Variants in CSMD1 observed in about 807,000 individuals in gnomAD.
CSMD1 encodes the protein CUB and Sushi multiple domains 1, also known as CUB and sushi domain-containing protein 1.
CSMD1 carries 213 observed loss-of-function variants against 417.5 expected under a neutral mutation model. The observed-to-expected ratio is 0.51, with a 90% confidence interval of 0.46 to 0.57. CSMD1 has a LOEUF of 0.57. CSMD1 is among the 20% of genes least tolerant of loss of function. CSMD1 has a pLI of 0.00. For synonymous variants in CSMD1, 2,862 were observed against 1,736.8 expected, an observed-to-expected ratio of 1.65 and a Z score of -16.11; for missense variants, 6,923 against 4,529.7, an observed-to-expected ratio of 1.53 and a Z score of -15.17.
At chr8:3,978,628 G>A (rs752036133) in intron 5 of CSMD1, among the ~76,000 whole-genome samples, 5 of 152,062 alleles carry the variant, frequency 3.3e-5, no homozygotes, top group Non-Finnish European at 5.9e-5. Context: ...GAAACGTCTC[G>A]TCGCTGCTGT....
intron 5 of CSMD1, among the ~76,000 whole-genome samples, chr8:3,860,620 T>A (rs1027326501): frequency 6.6e-6 from 1 of 152,160 alleles, no homozygotes; most frequent in African/African-American, 2.4e-5. Context: ...AGAGACACTA[T>A]TAGTTACAGT....
intron 25 of CSMD1, among the ~76,000 whole-genome samples, chr8:3,299,821 A>G (rs574788447): frequency 6.6e-6 from 1 of 152,310 alleles, no homozygotes; most frequent in Non-Finnish European, 1.5e-5. Context: ...TTCTGGACAG[A>G]TTGTTAAGGA....
chr8:3,497,156 G>A (rs1337896358), intron 10 of CSMD1, among the ~76,000 whole-genome samples: 3 of 152,202 alleles, frequency 2.0e-5, no homozygotes, highest in East Asian at 1.9e-4. Context: ...TGTCCGTTAG[G>A]TCCATTTGGT....
chr8:3,089,514 G>C (rs909156361), intron 48 of CSMD1, among the ~76,000 whole-genome samples: 3 of 152,146 alleles, frequency 2.0e-5, no homozygotes, highest in Non-Finnish European at 4.4e-5. Context: ...GAGTTTACGT[G>C]CATAGGGCAA....
intron 3 of CSMD1, among the ~76,000 whole-genome samples, chr8:4,192,811 C>G (rs79262743): frequency 1.3e-5 from 2 of 152,322 alleles, no homozygotes; most frequent in East Asian, 3.9e-4. Context: ...CCTCCTCACT[C>G]ATTACTTGTG....
chr8:3,376,780 C>T (rs1179423071), intron 18 of CSMD1, among the ~76,000 whole-genome samples: 1 of 127,416 alleles, frequency 7.8e-6, no homozygotes, highest in Non-Finnish European at 1.7e-5. Flanking sequence ...TGTTGATATA[C>T]AATATTATAA....
chr8:4,682,741 G>A lies in CSMD1; in HGVS notation c.86-45183C>T, dbSNP rs1410554975. Among the ~76,000 whole-genome samples the A allele has an allele frequency of 2.6e-5, 4 of 151,494 alleles. No homozygotes were observed. The East Asian group carries it at 5.8e-4, about 22-fold the overall frequency. The stretch of plus-strand genomic sequence containing the variant: ...ATTATTTGTCCAATATTACGTTGCT[G>A]TCTTAGCTTGAAAAAATAGTTTAAA... On this transcript the variant is annotated intron_variant, in intron 1 of 69. Coordinates refer to ENST00000635120, the MANE Select transcript of CSMD1 (RefSeq NM_033225.6).
rs191793365 is a variant in CSMD1 at position 4,127,256 on chromosome 8, G to A, written c.416-95157C>T. Among the ~76,000 whole-genome samples the A allele has an allele frequency of 6.3e-4, 96 of 151,856 alleles. No homozygotes were observed. In the East Asian group the frequency reaches 0.018, roughly 29 times the overall value. On this transcript the variant is annotated intron_variant, in intron 3 of 69. Coordinates refer to ENST00000635120, the MANE Select transcript of CSMD1 (RefSeq NM_033225.6). ...CTTACGGAAAGCTTCTAACACTACAGGCCCCGCTCCAGGTTATTCTCATGC... is the reference window on the plus strand; with the variant it reads ...CTTACGGAAAGCTTCTAACACTACAAGCCCCGCTCCAGGTTATTCTCATGC...
intron 3 of CSMD1, among the ~76,000 whole-genome samples, chr8:4,068,080 AAAAAAG>A (rs1379819983): frequency 2.6e-5 from 4 of 151,952 alleles, no homozygotes; most frequent in African/African-American, 9.7e-5. Flanking sequence ...ACAACGTCTC[AAAAAAG>A]AAAAAAAGAA....
intron 17 of CSMD1, among the ~76,000 whole-genome samples, chr8:3,394,637 AG>A (rs34515008): frequency 1 from 152,093 of 152,100 alleles, 76,043 homozygotes; most frequent in Non-Finnish European, 1. Flanking sequence ...AGTTGGGGGG[AG>A]GGGTGTGGGA....
chr8:3,470,913 T>C (rs79294246), intron 11 of CSMD1, among the ~76,000 whole-genome samples: 3,048 of 152,310 alleles, frequency 0.02, 121 homozygotes, highest in African/African-American at 0.069. Context: ...CTTGCTTAAT[T>C]AACCACCTGG....
At chr8:4,555,569 G>T (rs558255868) in intron 2 of CSMD1, among the ~76,000 whole-genome samples, 2 of 152,210 alleles carry the variant, frequency 1.3e-5, no homozygotes, top group South Asian at 4.1e-4. Flanking sequence ...CCTCCAGGAA[G>T]GATCATTGAT....
chr8:3,421,919 T>G (rs2116979211), intron 12 of CSMD1, among the ~76,000 whole-genome samples: 1 of 151,740 alleles, frequency 6.6e-6, no homozygotes, highest in Admixed American at 6.6e-5. Context: ...ATTACAGGCG[T>G]GAGCCACGGC....
intron 5 of CSMD1, among the ~76,000 whole-genome samples, chr8:3,987,536 T>C (rs1563288193): frequency 6.6e-6 from 1 of 152,182 alleles, no homozygotes; most frequent in Non-Finnish European, 1.5e-5. Flanking sequence ...AGTCTGACTC[T>C]AGCCCAAATG....
At chr8:4,492,176 A>G (rs1426547050) in intron 2 of CSMD1, among the ~76,000 whole-genome samples, 1 of 152,220 alleles carries the variant, frequency 6.6e-6, no homozygotes, top group Non-Finnish European at 1.5e-5. Context: ...AGTTCACTAC[A>G]GCCTCTGACT....
At chr8:4,941,012 G>C (rs1471304151) in intron 1 of CSMD1, among the ~76,000 whole-genome samples, 1 of 152,056 alleles carries the variant, frequency 6.6e-6, no homozygotes, top group Non-Finnish European at 1.5e-5. Flanking sequence ...GATTAATTTT[G>C]AGAGAGGAAC....
chr8:3,843,530 A>C (rs772077866), intron 5 of CSMD1, among the ~76,000 whole-genome samples: 1 of 152,100 alleles, frequency 6.6e-6, no homozygotes, highest in Non-Finnish European at 1.5e-5. Context: ...GTGAAACTAT[A>C]TAAAAGTAAA....
chr8:4,744,257 C>T (rs971357796), intron 1 of CSMD1, among the ~76,000 whole-genome samples: 7 of 152,286 alleles, frequency 4.6e-5, no homozygotes, highest in East Asian at 1.9e-4. Context: ...AAGTACAGCT[C>T]AGGGGCTTGA....
intron 1 of CSMD1, among the ~76,000 whole-genome samples, chr8:4,726,342 C>A (rs892785712): frequency 1.3e-5 from 2 of 151,442 alleles, no homozygotes; most frequent in Non-Finnish European, 3.0e-5. Context: ...TTTTGTATTC[C>A]TGAAAGATAG....
Sources: allele counts gnomAD v4.1 joint callset (sites outside exome capture counted in the v4.1 genomes callset), GRCh38; gene constraint gnomAD v4.1.1; transcripts MANE v1.5; gene names NCBI Gene and HGNC (gene_info 2026-07-23, HGNC 2026-07-21).